The following ODAM variants were observed in gnomAD, a reference collection of about 807,000 sequenced individuals.
The protein encoded by ODAM is odontogenic, ameloblast associated.
A neutral mutation model predicts 48.5 loss-of-function variants in ODAM; 55 were observed. That is an observed-to-expected ratio of 1.13 (90% CI 0.91 to 1.42). The LOEUF is 1.42. Ranked by LOEUF, ODAM falls within the 40% of genes most tolerant of loss-of-function variation. The pLI is 0.00. For missense variants in ODAM, 353 were observed against 323.6 expected (o/e 1.09, Z -0.70); for synonymous variants, 127 against 107.8 (o/e 1.18, Z -1.10).
intron 6 of ODAM, 47 bp downstream of exon 6, chr4:70,198,673 C>T (rs1553905486): frequency 1.4e-6 from 2 of 1,406,686 alleles, no homozygotes; most frequent in Non-Finnish European, 1.0e-6. Flanking sequence ...TACATACACT[C>T]TCCACAATGC....
In ODAM at chr4:70,204,367, TTA is replaced by T. The variant is rs1225171043; in HGVS notation, c.*226_*227del. 1 of 152,028 alleles carries T rather than the reference TTA, an allele frequency of 6.6e-6. No individual in the cohort carries two copies. Among genetic ancestry groups the T allele is most frequent in the Admixed American group, 6.6e-5 (1 of 15,228 alleles). The allele number at this position is 152,028 out of a possible 1,614,324, so 9.4% of individuals were successfully genotyped here. A position where few individuals can be genotyped will look rare whatever the true frequency, so the allele number is the denominator to read the frequency against. On this transcript the variant is annotated 3_prime_UTR_variant, in exon 12 of 12. Coordinates refer to ENST00000683306, the MANE Select transcript of ODAM (RefSeq NM_017855.4). ...ATGTAATGAGTCTTGTCTTACAAAA[TTA>T]TATGTCTCTTCAAATATCCTATCAT...
At chr4:70,203,251 A>G in intron 11 of ODAM, 37 bp downstream of exon 11, 1 of 1,137,872 alleles carries the variant, frequency 8.8e-7, no homozygotes, top group South Asian at 1.3e-5. Flanking sequence ...AGGTGCCACG[A>G]CAATTCCTAC....
At chr4:70,199,503 T>C (rs1357558897) in intron 6 of ODAM, among the ~76,000 whole-genome samples, 2 of 152,014 alleles carry the variant, frequency 1.3e-5, no homozygotes, top group South Asian at 4.1e-4. Flanking sequence ...CTTAATGAGA[T>C]CAAATTCCTC....
rs1729517459 is a variant in ODAM at position 70,202,329 on chromosome 4, G to A, written c.648G>A (p.Met216Ile). The change falls in exon 9 of 12, where the codon ATG becomes ATA. Residue 216 changes from methionine (M) to isoleucine (I), a missense_variant and splice_region_variant. Physicochemically the swap from Met to Ile is conservative, Grantham distance 10 (BLOSUM62 1). Coordinates refer to ENST00000683306, the MANE Select transcript of ODAM (RefSeq NM_017855.4). ...GCACAGCTCCTGAAATTGCTGTGAT[G>A]GTAAGATTCCTTACAACACTTTGCC... The part of the protein sequence containing the change: ...QLGTAPEIAV[M>I]STGEEIPYLQ... 1 of 1,609,344 alleles carries A rather than the reference G, an allele frequency of 6.2e-7. No individual in the cohort carries two copies. The highest frequency in any genetic ancestry group is 8.5e-7 in the Non-Finnish European group (1 of 1,176,474).
At chr4:70,203,135 T>C (rs779981845) in intron 10 of ODAM, 21 bp from the exon 11 acceptor site, 2 of 1,569,476 alleles carry the variant, frequency 1.3e-6, no homozygotes, top group South Asian at 1.1e-5. Flanking sequence ...CAGTTTCTTA[T>C]GAATGTCCTT....
intron 8 of ODAM, among the ~76,000 whole-genome samples, chr4:70,201,920 T>G (rs1278553318): frequency 6.6e-6 from 1 of 151,862 alleles, no homozygotes; most frequent in Non-Finnish European, 1.5e-5. Flanking sequence ...ACCTGGTATT[T>G]TCGTAACTTG....
chr4:70,201,332 T>C (rs960209829), intron 7 of ODAM, 122 bp from the exon 8 acceptor site: 10 of 546,406 alleles, frequency 1.8e-5, no homozygotes, highest in East Asian at 9.9e-5. Flanking sequence ...CTGGAACATA[T>C]AAACTTTAAA....
rs76227317 is a variant in ODAM at position 70,199,787 on chromosome 4, T to C, written c.424-710T>C. Among the ~76,000 whole-genome samples, 1,416 of 152,162 alleles carry C rather than the reference T, an allele frequency of 9.3e-3. 13 individuals are homozygous for C. The highest frequency in any genetic ancestry group is 0.03 in the African/African-American group (1,261 of 41,546). Reference sequence around the variant, plus strand: ...TAATCCTCCTGAAACCCTAGTTGTTTTTTTTAACTTCATGTCTAATACAAT... The same window carrying C: ...TAATCCTCCTGAAACCCTAGTTGTTCTTTTTAACTTCATGTCTAATACAAT... On this transcript the variant is annotated intron_variant, in intron 6 of 11. Transcript: ENST00000683306.
At chr4:70,196,764 C>A (rs1158173794) in intron 3 of ODAM, 31 bp downstream of exon 3, 2 of 1,550,906 alleles carry the variant, frequency 1.3e-6, no homozygotes, top group South Asian at 1.2e-5. Context: ...CAATCTCCTC[C>A]TTTTTTTAAT....
chr4:70,198,131 C>T lies in ODAM; in HGVS notation c.349C>T (p.Pro117Ser). The T allele has an allele frequency of 6.2e-7, 1 of 1,613,142 alleles. No individual in the cohort carries two copies. Among genetic ancestry groups the T allele is most frequent in the Non-Finnish European group, 8.5e-7 (1 of 1,179,474 alleles). Residue 117 changes from proline (P) to serine (S), a missense_variant, in exon 5 of 12, where the codon CCT becomes TCT. Coordinates refer to ENST00000683306, the MANE Select transcript of ODAM (RefSeq NM_017855.4). Reference protein sequence around the residue: ...QVDPLQLQTPPQTQPGPSHVM... With the variant: ...QVDPLQLQTPSQTQPGPSHVM... ...TGATCCCTTACAGCTTCAAACACCG[C>T]CTCAGACACAACCAGGCCCCAGTCA...
rs3756135 is a variant in ODAM at position 70,196,187 on chromosome 4, C to T, written c.-15-342C>T. Among the ~76,000 whole-genome samples, 523 of 152,046 alleles carry T rather than the reference C, an allele frequency of 3.4e-3. 6 individuals are homozygous for T. The highest frequency in any genetic ancestry group is 0.025 in the Admixed American group (377 of 15,234). ...TTGGTTAGCCTTAGTCATGACCTCC[C>T]ATGGTCTGATGGGCCTGCTCCTCTC... On this transcript the variant is annotated intron_variant, in intron 1 of 11. Transcript: ENST00000683306.
intron 7 of ODAM, 98 bp from the exon 8 acceptor site, chr4:70,201,354 CTT>C (rs1483745436): frequency 1.4e-5 from 8 of 587,530 alleles, no homozygotes; most frequent in African/African-American, 7.9e-5. Context: ...ATGCTTTTAA[CTT>C]ATATAAAAAG....
intron 6 of ODAM, among the ~76,000 whole-genome samples, chr4:70,199,621 T>C (rs1455306318): frequency 6.6e-6 from 1 of 151,954 alleles, no homozygotes; most frequent in Non-Finnish European, 1.5e-5. Flanking sequence ...TTAGAATCTC[T>C]GGTGTTTGAA....
At chr4:70,197,163 A>C (rs1578235905) in intron 3 of ODAM, 111 bp from the exon 4 acceptor site, 1 of 645,400 alleles carries the variant, frequency 1.5e-6, no homozygotes, top group Non-Finnish European at 2.8e-6. Flanking sequence ...TCCCACTTCT[A>C]ACAAGAAATT....
At chr4:70,198,877 A>G (rs1729437641) in intron 6 of ODAM, among the ~76,000 whole-genome samples, 1 of 152,072 alleles carries the variant, frequency 6.6e-6, no homozygotes. Flanking sequence ...TGTTGAGAGT[A>G]AAAGAGCTCA....
chr4:70,198,244 C>A, intron 5 of ODAM, 87 bp downstream of exon 5: 2 of 1,126,692 alleles, frequency 1.8e-6, no homozygotes, highest in Non-Finnish European at 2.5e-6. Flanking sequence ...TTGAAATAGG[C>A]AGGGGTTTTT....
chr4:70,196,442 A>G lies in ODAM; in HGVS notation c.-15-87A>G, dbSNP rs1729364608. Reference sequence around the variant, plus strand: ...TAAATACTATAGAATTCACCCAGCTATTCCTTTGATTGAACAATACTAATT... The same window carrying G: ...TAAATACTATAGAATTCACCCAGCTGTTCCTTTGATTGAACAATACTAATT... On this transcript the variant is annotated intron_variant, in intron 1 of 11. Transcript: ENST00000683306. 5.9e-6 allele frequency: 4 copies of G among 674,686 alleles called. No individual in the cohort carries two copies. In the South Asian group the frequency reaches 8.0e-5, roughly 14 times the overall value. The allele number at this position is 674,686 out of a possible 1,614,324, so 41.8% of individuals were successfully genotyped here.
chr4:70,198,148 C>G lies in ODAM; in HGVS notation c.366C>G (p.Gly122=). 1 of 1,612,600 alleles carries G rather than the reference C, an allele frequency of 6.2e-7. No individual in the cohort carries two copies. Among genetic ancestry groups the G allele is most frequent in the Admixed American group, 1.7e-5 (1 of 59,800 alleles). ...AAACACCGCCTCAGACACAACCAGG[C>G]CCCAGTCACGTAAGTCAGGCCTCTT... The part of the protein sequence containing the change: ...QLQTPPQTQP[G]PSHVMPYVFS... Residue 122 remains glycine (G), a synonymous_variant, in exon 5 of 12, where the codon GGC becomes GGG. Coordinates refer to ENST00000683306, the MANE Select transcript of ODAM (RefSeq NM_017855.4).
chr4:70,200,923 A>G (rs1199787694), intron 7 of ODAM, among the ~76,000 whole-genome samples: 2 of 152,056 alleles, frequency 1.3e-5, no homozygotes, highest in East Asian at 3.9e-4. Flanking sequence ...CTTTCCACAT[A>G]TGTGTGTGTG....
Sources: allele counts gnomAD v4.1 joint callset (sites outside exome capture counted in the v4.1 genomes callset), GRCh38; gene constraint gnomAD v4.1.1; transcripts MANE v1.5; gene names NCBI Gene and HGNC (gene_info 2026-07-23, HGNC 2026-07-21).